ANKS1B: variants seen among roughly 807,000 people sequenced by gnomAD.
The protein encoded by ANKS1B is ankyrin repeat and sterile alpha motif domain-containing protein 1B.
A neutral mutation model predicts 148.3 loss-of-function variants in ANKS1B; 36 were observed. The ratio of observed to expected loss-of-function variants is 0.24; its 90% CI spans 0.19 to 0.32. The LOEUF (loss-of-function observed/expected upper bound fraction) is 0.32, where lower values mean the gene tolerates loss of function less well. Ranked by LOEUF, ANKS1B falls within the 10% of genes least tolerant of loss-of-function variation. The pLI is 1.00. For missense variants in ANKS1B, 1,157 were observed against 1,542.6 expected (o/e 0.75, Z 4.19); for synonymous variants, 542 against 560.8 (o/e 0.97, Z 0.47).
At chr12:99,096,539 C>G (rs941443050) in intron 15 of ANKS1B, among the ~76,000 whole-genome samples, 7 of 152,108 alleles carry the variant, frequency 4.6e-5, no homozygotes, top group African/African-American at 7.2e-5. Context: ...AAACTAAAAG[C>G]TGAGTAAGAG....
intron 24 of ANKS1B, among the ~76,000 whole-genome samples, chr12:98,776,907 G>A (rs1053343981): frequency 6.6e-6 from 1 of 152,170 alleles, no homozygotes; most frequent in Non-Finnish European, 1.5e-5. Flanking sequence ...AAAACAATGG[G>A]AGGCCCACTG....
intron 14 of ANKS1B, among the ~76,000 whole-genome samples, chr12:99,215,390 G>T (rs577109875): frequency 1.3e-5 from 2 of 152,296 alleles, no homozygotes; most frequent in Admixed American, 6.5e-5. Flanking sequence ...CTGACAAGTG[G>T]AGCTGTGAGA....
chr12:99,431,041 T>C (rs1594685757), intron 11 of ANKS1B, among the ~76,000 whole-genome samples: 1 of 152,206 alleles, frequency 6.6e-6, no homozygotes, highest in African/African-American at 2.4e-5. Context: ...GTGTCTAATA[T>C]AGTGCTTAAT....
chr12:98,774,385 G>A (rs1364993101), intron 24 of ANKS1B, among the ~76,000 whole-genome samples: 1 of 152,148 alleles, frequency 6.6e-6, no homozygotes. Flanking sequence ...ATCTCTTTGT[G>A]CCTTCTTCCC....
At chr12:99,004,274 C>G (rs566042090) in intron 17 of ANKS1B, among the ~76,000 whole-genome samples, 1 of 152,136 alleles carries the variant, frequency 6.6e-6, no homozygotes, top group South Asian at 2.1e-4. Flanking sequence ...TTCAGCAAAA[C>G]GCTCCTATTA....
chr12:99,910,592 C>A (rs1456083211), intron 1 of ANKS1B, among the ~76,000 whole-genome samples: 1 of 152,020 alleles, frequency 6.6e-6, no homozygotes, highest in Admixed American at 6.6e-5. Context: ...ACAGTGGCTT[C>A]TTTTTAGAGC....
At chr12:98,922,641 G>A (rs2099802990) in intron 17 of ANKS1B, among the ~76,000 whole-genome samples, 1 of 152,054 alleles carries the variant, frequency 6.6e-6, no homozygotes, top group Admixed American at 6.6e-5. Context: ...TGGAATTATA[G>A]GCATGCACCA....
rs145954854 is a variant in ANKS1B at position 99,593,202 on chromosome 12, G to A, written c.1272+61865C>T. 7.9e-3 allele frequency among the ~76,000 whole-genome samples: 1,203 copies of A among 152,098 alleles called. 14 individuals are homozygous for A. The highest frequency in any genetic ancestry group is 0.027 in the African/African-American group (1,140 of 41,470). On this transcript the variant is annotated intron_variant, in intron 9 of 26. Coordinates refer to ENST00000683438, the MANE Select transcript of ANKS1B (RefSeq NM_001352186.2). ...CAGCTTTTCAGGTTAAATTTGGAGT[G>A]CCCTGGCCAAGAGGAGAGGTCCATT...
intron 11 of ANKS1B, among the ~76,000 whole-genome samples, chr12:99,404,340 T>A (rs970990477): frequency 3.4e-5 from 5 of 145,528 alleles, no homozygotes; most frequent in African/African-American, 5.2e-5. Flanking sequence ...ATAAAAAATT[T>A]AAAAAAAGAA....
At chr12:98,935,486 C>T (rs2099817786) in intron 17 of ANKS1B, among the ~76,000 whole-genome samples, 1 of 152,174 alleles carries the variant, frequency 6.6e-6, no homozygotes, top group African/African-American at 2.4e-5. Context: ...ATGCTGGTCT[C>T]ATAAAATAAA....
At chr12:99,859,507 T>C (rs1242009679) in intron 1 of ANKS1B, among the ~76,000 whole-genome samples, 1 of 152,224 alleles carries the variant, frequency 6.6e-6, no homozygotes, top group African/African-American at 2.4e-5. Flanking sequence ...ACTGGTGTTT[T>C]CTAGTGTCTG....
intron 19 of ANKS1B, among the ~76,000 whole-genome samples, chr12:98,823,018 A>G (rs370360798): frequency 6.6e-6 from 1 of 152,256 alleles, no homozygotes; most frequent in Non-Finnish European, 1.5e-5. Context: ...ATTTGCTAAA[A>G]GAAAATTAAC....
chr12:98,972,172 T>A (rs61932223), intron 17 of ANKS1B, among the ~76,000 whole-genome samples: 27,549 of 152,078 alleles, frequency 0.18, 2,672 homozygotes, highest in African/African-American at 0.23. Flanking sequence ...TGTCTCAAAC[T>A]AACAAACAAA....
At chr12:99,000,362 G>A (rs916735379) in intron 17 of ANKS1B, among the ~76,000 whole-genome samples, 1 of 147,976 alleles carries the variant, frequency 6.8e-6, no homozygotes, top group Non-Finnish European at 1.5e-5. Flanking sequence ...CTCTCCCTCC[G>A]GGTTCAAGCA....
intron 9 of ANKS1B, among the ~76,000 whole-genome samples, chr12:99,653,467 C>T (rs897969496): frequency 2.6e-5 from 4 of 152,150 alleles, no homozygotes; most frequent in East Asian, 1.9e-4. Context: ...ACAACTTATG[C>T]TTGTTAATTT....
intron 8 of ANKS1B, among the ~76,000 whole-genome samples, chr12:99,686,706 C>A (rs980154795): frequency 6.6e-6 from 1 of 152,116 alleles, no homozygotes; most frequent in African/African-American, 2.4e-5. Context: ...TTTTAAGTAA[C>A]TCAAACCACT....
intron 10 of ANKS1B, among the ~76,000 whole-genome samples, chr12:99,445,783 A>G: frequency 6.6e-6 from 1 of 151,920 alleles, no homozygotes; most frequent in Admixed American, 6.6e-5. Context: ...GTGCAGTAGC[A>G]TGAACACAGC....
intron 15 of ANKS1B, among the ~76,000 whole-genome samples, chr12:99,123,014 A>ATATATATATATATAT: frequency 7.0e-6 from 1 of 143,294 alleles, no homozygotes; most frequent in Admixed American, 6.9e-5. Flanking sequence ...ATATATATAT[A>ATATATATATATATAT]AACATGTATA....
intron 10 of ANKS1B, among the ~76,000 whole-genome samples, chr12:99,478,817 A>G (rs2096366326): frequency 6.6e-6 from 1 of 152,126 alleles, no homozygotes; most frequent in South Asian, 2.1e-4. Flanking sequence ...TTGATCAATC[A>G]TGCTAGAGGA....
Sources: gnomAD v4.1 joint callset for allele counts (sites outside exome capture counted in the v4.1 genomes callset) on GRCh38, gnomAD v4.1.1 for gene constraint, MANE v1.5 for transcripts, NCBI Gene and HGNC (gene_info 2026-07-23, HGNC 2026-07-21) for gene names.